The following CNTNAP2 variants were observed in gnomAD, a reference collection of about 807,000 sequenced individuals.
The protein encoded by CNTNAP2 is contactin associated protein 2.
A neutral mutation model predicts 155.2 loss-of-function variants in CNTNAP2; 98 were observed. The ratio of observed to expected loss-of-function variants is 0.63; its 90% confidence interval spans 0.54 to 0.75. CNTNAP2 has a LOEUF of 0.75. CNTNAP2 is among the 30% of genes least tolerant of loss of function. The pLI, the probability that CNTNAP2 is intolerant of heterozygous loss-of-function variation, is 0.00. For synonymous variants in CNTNAP2, 651 were observed against 631.2 expected (o/e 1.03, Z -0.47); for missense variants, 1,727 against 1,688.1 (o/e 1.02, Z -0.40).
At chr7:147,231,105 G>A (rs1248973819) in intron 8 of CNTNAP2, among the ~76,000 whole-genome samples, 1 of 152,176 alleles carries the variant, frequency 6.6e-6, no homozygotes. Context: ...TAAAACATCA[G>A]CTCTCCTGAG....
chr7:147,089,606 T>C (rs17170317), intron 4 of CNTNAP2, among the ~76,000 whole-genome samples: 4,214 of 152,298 alleles, frequency 0.028, 189 homozygotes, highest in African/African-American at 0.089. Flanking sequence ...GAAATAAGTC[T>C]TTGTTATAAA....
intron 15 of CNTNAP2, among the ~76,000 whole-genome samples, chr7:148,015,138 G>A (rs1006967536): frequency 3.9e-5 from 6 of 152,044 alleles, no homozygotes; most frequent in African/African-American, 1.5e-4. Context: ...TGTATCTGAT[G>A]GAAAATACCT....
At chr7:147,823,366 C>T (rs967792944) in intron 13 of CNTNAP2, among the ~76,000 whole-genome samples, 25 of 152,094 alleles carry the variant, frequency 1.6e-4, no homozygotes, top group Admixed American at 6.6e-5. Flanking sequence ...TCCCTAGGGC[C>T]TTGTTCTTAA....
intron 3 of CNTNAP2, among the ~76,000 whole-genome samples, chr7:146,989,329 G>T (rs1255677988): frequency 6.6e-6 from 1 of 152,126 alleles, no homozygotes; most frequent in African/African-American, 2.4e-5. Flanking sequence ...ACTGGCCTGT[G>T]TTGGGGTGAT....
At chr7:147,252,301 C>A (rs1280274704) in intron 8 of CNTNAP2, among the ~76,000 whole-genome samples, 1 of 152,100 alleles carries the variant, frequency 6.6e-6, no homozygotes, top group African/African-American at 2.4e-5. Context: ...CAGAAAGGAT[C>A]TTTAAGTATC....
chr7:147,328,948 A>G (rs1563162759), intron 9 of CNTNAP2, among the ~76,000 whole-genome samples: 2 of 152,166 alleles, frequency 1.3e-5, no homozygotes, highest in Non-Finnish European at 2.9e-5. Context: ...TTCAGTATGC[A>G]TTTGTAACCT....
intron 15 of CNTNAP2, among the ~76,000 whole-genome samples, chr7:148,042,278 CA>C (rs1414705781): frequency 6.6e-6 from 1 of 152,236 alleles, no homozygotes; most frequent in Non-Finnish European, 1.5e-5. Context: ...TTTCATCTTG[CA>C]AACCCAAACT....
intron 13 of CNTNAP2, among the ~76,000 whole-genome samples, chr7:147,861,453 C>G (rs1030058961): frequency 1.6e-4 from 25 of 152,164 alleles, no homozygotes; most frequent in Admixed American, 1.3e-3. Flanking sequence ...TGTTCAGTTA[C>G]ACAGGCATCC....
At chr7:147,543,384 C>T (rs1358525073) in intron 11 of CNTNAP2, among the ~76,000 whole-genome samples, 1 of 152,184 alleles carries the variant, frequency 6.6e-6, no homozygotes, top group African/African-American at 2.4e-5. Context: ...GGTGTTAGGG[C>T]CATTATGAAC....
intron 8 of CNTNAP2, among the ~76,000 whole-genome samples, chr7:147,215,533 G>A (rs1398493607): frequency 6.6e-6 from 1 of 151,982 alleles, no homozygotes; most frequent in African/African-American, 2.4e-5. Flanking sequence ...TTTCAGTGCT[G>A]AATAATATTC....
At chr7:147,029,619 G>C (rs951339775) in intron 3 of CNTNAP2, among the ~76,000 whole-genome samples, 1 of 151,414 alleles carries the variant, frequency 6.6e-6, no homozygotes, top group Non-Finnish European at 1.5e-5. Flanking sequence ...GTAGACCCAA[G>C]AATTGTCACT....
intron 13 of CNTNAP2, among the ~76,000 whole-genome samples, chr7:147,891,036 G>A (rs1799682092): frequency 1.3e-5 from 2 of 152,050 alleles, no homozygotes; most frequent in African/African-American, 4.8e-5. Context: ...TGTTGTATGT[G>A]TTAAATGTAT....
At chr7:146,160,081 C>A (rs1001827044) in intron 1 of CNTNAP2, among the ~76,000 whole-genome samples, 2 of 152,172 alleles carry the variant, frequency 1.3e-5, no homozygotes, top group Admixed American at 6.6e-5. Flanking sequence ...ACAACCTGCT[C>A]CTGAATGACT....
chr7:147,253,388 T>TG (rs1804248500), intron 8 of CNTNAP2, among the ~76,000 whole-genome samples: 1 of 151,770 alleles, frequency 6.6e-6, no homozygotes, highest in African/African-American at 2.4e-5. Flanking sequence ...TCTCTGTTTT[T>TG]TTTTTTTTTT....
intron 1 of CNTNAP2, among the ~76,000 whole-genome samples, chr7:146,586,213 A>G (rs2129148687): frequency 6.6e-6 from 1 of 152,340 alleles, no homozygotes; most frequent in Non-Finnish European, 1.5e-5. Flanking sequence ...CATTTAATGG[A>G]ATTAAATAAA....
At chr7:147,703,701 G>A (rs576851554) in intron 13 of CNTNAP2, among the ~76,000 whole-genome samples, 2 of 152,218 alleles carry the variant, frequency 1.3e-5, no homozygotes, top group African/African-American at 4.8e-5. Flanking sequence ...TCATTTCTAT[G>A]TGTTGGGAAC....
intron 2 of CNTNAP2, among the ~76,000 whole-genome samples, chr7:146,824,126 A>C (rs1466977474): frequency 6.6e-6 from 1 of 152,034 alleles, no homozygotes; most frequent in Non-Finnish European, 1.5e-5. Context: ...TATGAGTGAG[A>C]ACATGTGGTG....
chr7:148,131,087 C>CTTTT lies in CNTNAP2; in HGVS notation c.2554+12822_2554+12825dup, dbSNP rs755587892. Among the ~76,000 whole-genome samples, 266 of 97,216 alleles carry CTTTT rather than the reference C, an allele frequency of 2.7e-3. 2 individuals are homozygous for CTTTT. The highest frequency in any genetic ancestry group is 4.2e-3 in the African/African-American group (99 of 23,540). The allele number at this position is 97,216 out of a possible 152,430, so 63.8% of individuals were successfully genotyped here. A position where few individuals can be genotyped will look rare whatever the true frequency, so the allele number is the denominator to read the frequency against. ...ACGTTTTCTTTTCTCTTTTCTTCTT[C>CTTTT]TTTTTTTTTTTTTTTTTTTTTTTTT... On this transcript the variant is annotated intron_variant, in intron 16 of 23. Transcript: ENST00000361727.
At chr7:147,223,479 AC>A (rs1803451840) in intron 8 of CNTNAP2, among the ~76,000 whole-genome samples, 1 of 152,014 alleles carries the variant, frequency 6.6e-6, no homozygotes, top group African/African-American at 2.4e-5. Flanking sequence ...CAGCTAAGGG[AC>A]CCCAAAAAGC....
Sources: gnomAD v4.1 joint callset for allele counts (sites outside exome capture counted in the v4.1 genomes callset) on GRCh38, gnomAD v4.1.1 for gene constraint, MANE v1.5 for transcripts, NCBI Gene and HGNC (gene_info 2026-07-23, HGNC 2026-07-21) for gene names.